The following ST8SIA3 variants were observed in gnomAD, a reference collection of about 807,000 sequenced individuals.
ST8SIA3 encodes the protein alpha-N-acetylneuraminate alpha-2,8-sialyltransferase ST8SIA3.
Under a neutral mutation model 34.5 loss-of-function variants are expected in ST8SIA3, and 17 were observed. The observed-to-expected ratio is 0.49, with a 90% CI of 0.34 to 0.74. The LOEUF (loss-of-function observed/expected upper bound fraction) is 0.74. ST8SIA3 is among the 30% of genes least tolerant of loss of function. The pLI is 0.01. For missense variants in ST8SIA3, 354 were observed against 467.8 expected, an observed-to-expected ratio of 0.76 and a Z score of 2.24; for synonymous variants, 172 against 176.1, an observed-to-expected ratio of 0.98 and a Z score of 0.19.
chr18:57,354,738 A>C (rs893439280), intron 2 of ST8SIA3, among the ~76,000 whole-genome samples: 1 of 151,950 alleles, frequency 6.6e-6, no homozygotes, highest in Non-Finnish European at 1.5e-5. Flanking sequence ...CTCTCATAAA[A>C]AGGACATATC....
chr18:57,359,039 G>A lies in ST8SIA3; in HGVS notation c.861-956G>A, dbSNP rs564165706. On this transcript the variant is annotated intron_variant, in intron 3 of 3. Transcript: ENST00000324000. ...CTTAGAAACTTCCAGAAACTATCCT[G>A]TGTGGCTGCCTGCCACAAAAGTGGA... 5.3e-5 allele frequency among the ~76,000 whole-genome samples: 8 copies of A among 152,242 alleles called. No individual in the cohort carries two copies. In the South Asian group the frequency reaches 1.7e-3, roughly 32 times the overall value.
rs1153632 is a variant in ST8SIA3, at chr18:57,357,099, T to C, written c.489T>C (p.Ala163=). 3,913 of 1,614,096 alleles carry C rather than the reference T, an allele frequency of 2.4e-3. 65 individuals are homozygous for C. In the African/African-American group the frequency reaches 0.039, roughly 16 times the overall value. ...PIMNKHYNIC[A]VVGNSGILTG... ...TGAACAAGCATTATAATATTTGTGC[T>C]GTGGTTGGAAATAGTGGGATCCTGA... Residue 163 remains alanine, a synonymous_variant, in exon 3 of 4, where the codon GCT becomes GCC. Coordinates refer to ENST00000324000, the MANE Select transcript of ST8SIA3 (RefSeq NM_015879.3).
Position 57,353,104 on chromosome 18 carries a change from G to A in ST8SIA3, c.179+79G>A, listed in dbSNP as rs2049774652. 2.5e-5 allele frequency: 38 copies of A among 1,498,162 alleles called. 1 individual carries two copies. In the South Asian group the frequency reaches 4.5e-4, roughly 18 times the overall value. The allele number at this position is 1,498,162 out of a possible 1,614,324, so 92.8% of individuals were successfully genotyped here. A position where few individuals can be genotyped will look rare whatever the true frequency, so the allele number is the denominator to read the frequency against. On this transcript the variant is annotated intron_variant, in intron 1 of 3. Coordinates refer to ENST00000324000, the MANE Select transcript of ST8SIA3 (RefSeq NM_015879.3). ...TGGGGAAGGGAAGGCGTGGGGGAGG[G>A]GTGTTTTGGCCTCTCCGAGACTCTT...
At chr18:57,356,346 A>T (rs1205947305) in intron 2 of ST8SIA3, among the ~76,000 whole-genome samples, 1 of 152,190 alleles carries the variant, frequency 6.6e-6, no homozygotes, top group Non-Finnish European at 1.5e-5. Context: ...TGAGATTATC[A>T]TCTCATTTCT....
Position 57,360,190 on chromosome 18 carries a change from G to C in ST8SIA3, c.1056G>C (p.Glu352Asp), listed in dbSNP as rs1293101130. Residue 352 changes from glutamate (E) to aspartate (D), a missense_variant, in exon 4 of 4, where the codon GAG becomes GAC. Around this residue, in one of 3 missense-constraint regions of ST8SIA3, gnomAD observed 166 missense variants for 245.2 expected, o/e 0.68. Transcript: ENST00000324000. ...CCAAATTTACCACCAAGTGGCAGGA[G>C]TCCCACCAGCTGCCTGCTGAGTTTC... ...KGTKFTTKWQ[E>D]SHQLPAEFQL... 2 of 1,614,180 alleles carry C rather than the reference G, an allele frequency of 1.2e-6. No individual in the cohort carries two copies.
At chr18:57,357,719 C>T (rs2049807457) in intron 3 of ST8SIA3, among the ~76,000 whole-genome samples, 1 of 152,200 alleles carries the variant, frequency 6.6e-6, no homozygotes. Context: ...CGTCTCTATT[C>T]TCTGTCCTCT....
Position 57,357,344 on chromosome 18 carries a change from T to C in ST8SIA3, c.734T>C (p.Ile245Thr). The C allele has an allele frequency of 6.2e-7, 1 of 1,613,566 alleles. No homozygotes were observed. The highest frequency in any genetic ancestry group is 8.5e-7 in the Non-Finnish European group (1 of 1,179,990). The change falls in exon 3 of 4, where the codon ATC becomes ACC. Residue 245 changes from isoleucine to threonine, a missense_variant. Transcript: ENST00000324000. ...LKKLDGAILW[I>T]PAFFFHTSAT... ...AAGCTTGACGGGGCCATTCTTTGGA[T>C]CCCTGCATTTTTCTTCCACACTTCA...
chr18:57,357,014 AAT>A lies in ST8SIA3; in HGVS notation c.407_408del (p.Tyr136CysfsTer5). The A allele has an allele frequency of 1.2e-6, 2 of 1,614,050 alleles. No homozygotes were observed. Among genetic ancestry groups the A allele is most frequent in the Non-Finnish European group, 1.7e-6 (2 of 1,179,956 alleles). On this transcript the variant is annotated frameshift_variant, in exon 3 of 4. Coordinates refer to ENST00000324000, the MANE Select transcript of ST8SIA3 (RefSeq NM_015879.3). LOFTEE classifies it high-confidence loss of function. ...ATGCACTATGATTATTCCAGCCATAAATATGTTTTCTCTATTAGCAATAACTT... is the reference window on the plus strand; with the variant it reads ...ATGCACTATGATTATTCCAGCCATAAATGTTTTCTCTATTAGCAATAACTT...
rs2049824071 is a variant in ST8SIA3 at position 57,360,421 on chromosome 18, C to T, written c.*144C>T. 2 of 836,756 alleles carry T rather than the reference C, an allele frequency of 2.4e-6. No homozygotes were observed. The highest frequency in any genetic ancestry group is 1.9e-5 in the South Asian group (1 of 53,328). The allele number at this position is 836,756 out of a possible 1,614,324, so 51.8% of individuals were successfully genotyped here. On this transcript the variant is annotated 3_prime_UTR_variant, in exon 4 of 4. Coordinates refer to ENST00000324000, the MANE Select transcript of ST8SIA3 (RefSeq NM_015879.3). ...AAGATGTCTTTTCTCTTTTGCACTG[C>T]TCTTTTAAGAGTTTTAGCAGATTTA...
In ST8SIA3 at chr18:57,352,604, G is replaced by C. The variant is rs75007710; in HGVS notation, c.-243G>C. ...CCCCTCCATCTTCCTGCTCGGCACC[G>C]GGCCCCGCGCGCCCCTGCCTACGGG... is the stretch of plus-strand genomic sequence containing the variant. On this transcript the variant is annotated 5_prime_UTR_variant, in exon 1 of 4. Coordinates refer to ENST00000324000, the MANE Select transcript of ST8SIA3 (RefSeq NM_015879.3). 25,240 of 513,166 alleles carry C rather than the reference G, an allele frequency of 0.049. 2,137 individuals carry two copies. Among genetic ancestry groups the C allele is most frequent in the East Asian group, 0.24 (3,287 of 13,724 alleles). The allele number at this position is 513,166 out of a possible 1,614,324, so 31.8% of individuals were successfully genotyped here. A position where few individuals can be genotyped will look rare whatever the true frequency, so the allele number is the denominator to read the frequency against.
At position 57,363,587 on chromosome 18, in the gene ST8SIA3, C is replaced by T. The variant is rs765715774; in HGVS notation, c.*3310C>T. 2 of 152,204 alleles carry T rather than the reference C, an allele frequency of 1.3e-5. No homozygotes were observed. The highest frequency in any genetic ancestry group is 2.9e-5 in the Non-Finnish European group (2 of 68,060). The allele number at this position is 152,204 out of a possible 1,614,324, so 9.4% of individuals were successfully genotyped here. A position where few individuals can be genotyped will look rare whatever the true frequency, so the allele number is the denominator to read the frequency against. On this transcript the variant is annotated 3_prime_UTR_variant, in exon 4 of 4. Transcript: ENST00000324000. The stretch of plus-strand genomic sequence containing the variant: ...TGCCCCTGCCCTCAGCTTCCTTATG[C>T]CCGAGCCACTACTTATCCGTGAATG...
At chr18:57,358,827 T>C (rs1013802129) in intron 3 of ST8SIA3, among the ~76,000 whole-genome samples, 1 of 152,222 alleles carries the variant, frequency 6.6e-6, no homozygotes, top group African/African-American at 2.4e-5. Context: ...TGTCCCATGG[T>C]CTTTTGATCT....
In ST8SIA3 at chr18:57,363,187, C is replaced by A. The variant is rs2049841501; in HGVS notation, c.*2910C>A. ...CTACCCATAACACCAACACAAAAAA[C>A]CAATTAAGTTGCAGAGGGGGGAAAT... On this transcript the variant is annotated 3_prime_UTR_variant, in exon 4 of 4. Transcript: ENST00000324000. 2.6e-5 allele frequency: 4 copies of A among 152,308 alleles called. No individual in the cohort carries two copies. The highest frequency in any genetic ancestry group is 2.1e-4 in the South Asian group (1 of 4,830). The allele number at this position is 152,308 out of a possible 1,614,324, so 9.4% of individuals were successfully genotyped here.
At chr18:57,353,605 A>T (rs1340722215) in intron 1 of ST8SIA3, among the ~76,000 whole-genome samples, 1 of 147,036 alleles carries the variant, frequency 6.8e-6, no homozygotes, top group African/African-American at 2.5e-5. Flanking sequence ...GCTTTCCGGG[A>T]TTTCTGCAAT....
At position 57,354,495 on chromosome 18, in the gene ST8SIA3, A is replaced by T; in HGVS notation, c.273A>T (p.Lys91Asn). The change falls in exon 2 of 4, where the codon AAA becomes AAT. Residue 91 changes from lysine to asparagine, a missense_variant. Lys to Asn is a moderately conservative substitution (Grantham distance 94). Coordinates refer to ENST00000324000, the MANE Select transcript of ST8SIA3 (RefSeq NM_015879.3). ...QELQEKPSKW[K>N]FNRTAFLHQR... is the part of the protein sequence containing the mutation. ...TCCAAGAGAAACCTTCTAAGTGGAA[A>T]TTTAATCGGACAGCGTTTTTACATC... 6.2e-7 allele frequency: 1 copy of T among 1,614,212 alleles called. No homozygotes were observed. Among genetic ancestry groups the T allele is most frequent in the Non-Finnish European group, 8.5e-7 (1 of 1,180,024 alleles).
At chr18:57,356,695 C>G (rs1011464013) in intron 2 of ST8SIA3, among the ~76,000 whole-genome samples, 1 of 152,324 alleles carries the variant, frequency 6.6e-6, no homozygotes, top group East Asian at 1.9e-4. Flanking sequence ...GTTGCATTTA[C>G]AAGCCTCAAA....
chr18:57,354,355 C>G, intron 1 of ST8SIA3, 47 bp from the exon 2 acceptor site: 1 of 1,610,532 alleles, frequency 6.2e-7, no homozygotes, highest in Non-Finnish European at 8.5e-7. Flanking sequence ...CCTCGGCTTC[C>G]CCGAGCTGAG....
chr18:57,352,855 C>T lies in ST8SIA3; in HGVS notation c.9C>T (p.Asn3=). 2 of 1,613,632 alleles carry T rather than the reference C, an allele frequency of 1.2e-6. No individual in the cohort carries two copies. Among genetic ancestry groups the T allele is most frequent in the South Asian group, 1.1e-5 (1 of 91,054 alleles). Residue 3 remains asparagine (N), a synonymous_variant, in exon 1 of 4, where the codon AAC becomes AAT. Transcript: ENST00000324000. The part of the protein sequence containing the change: MR[N]CKMARVASVL... The stretch of plus-strand genomic sequence containing the variant: ...ACCCAGCCCAGCCCGGGATGAGAAA[C>T]TGCAAAATGGCCCGGGTCGCCAGTG...
Position 57,357,482 on chromosome 18 carries a change from T to G in ST8SIA3, c.860+12T>G. On this transcript the variant is annotated intron_variant, in intron 3 of 3. Transcript: ENST00000324000. Reference sequence around the variant, plus strand: ...CAACATGTCAACAGGTGTGTATATTTTATTACATTTTACTCATACTCCACC... The same window carrying G: ...CAACATGTCAACAGGTGTGTATATTGTATTACATTTTACTCATACTCCACC... 1 of 1,595,388 alleles carries G rather than the reference T, an allele frequency of 6.3e-7. No homozygotes were observed. The highest frequency in any genetic ancestry group is 1.1e-5 in the South Asian group (1 of 90,042).
Sources: gnomAD v4.1 joint callset for allele counts (sites outside exome capture counted in the v4.1 genomes callset) on GRCh38, gnomAD v4.1.1 for gene constraint, gnomAD v4.1.1 regional missense constraint, MANE v1.5 for transcripts, NCBI Gene and HGNC (gene_info 2026-07-23, HGNC 2026-07-21) for gene names.